Variants in PPARG observed in about 807,000 individuals in gnomAD.
PPARG encodes peroxisome proliferator-activated receptor gamma.
Under a neutral mutation model 39.2 loss-of-function variants are expected in PPARG, and 17 were observed. The observed-to-expected ratio is 0.43, with a 90% CI of 0.30 to 0.65. The LOEUF is 0.65. Among genes scored for constraint, PPARG ranks in the 30% least tolerant of loss-of-function variants. PPARG has a pLI of 0.13. For missense variants in PPARG, 406 were observed against 585.9 expected (o/e 0.69, Z 3.17); for synonymous variants, 223 against 215.7 (o/e 1.03, Z -0.30).
At chr3:12,407,626 T>C (rs919372485) in intron 6 of PPARG, among the ~76,000 whole-genome samples, 1 of 152,234 alleles carries the variant, frequency 6.6e-6, no homozygotes, top group Non-Finnish European at 1.5e-5. Context: ...CAGAGAGCTA[T>C]GCAATGACTT....
At chr3:12,407,181 A>C (rs2050701865) in intron 6 of PPARG, among the ~76,000 whole-genome samples, 1 of 151,896 alleles carries the variant, frequency 6.6e-6, no homozygotes, top group African/African-American at 2.4e-5. Flanking sequence ...TGTTGTTTTG[A>C]GACAGAGTCT....
chr3:12,404,404 T>C (rs750955736), intron 5 of PPARG, among the ~76,000 whole-genome samples: 17 of 152,204 alleles, frequency 1.1e-4, no homozygotes, highest in Admixed American at 2.0e-4. Context: ...CAGTTTCTTC[T>C]TGGGAAAATC....
intron 2 of PPARG, among the ~76,000 whole-genome samples, chr3:12,316,102 T>A (rs1208730108): frequency 6.6e-6 from 1 of 152,228 alleles, no homozygotes; most frequent in Non-Finnish European, 1.5e-5. Context: ...AGCATTAAGT[T>A]GTCTAGAAAA....
intron 2 of PPARG, among the ~76,000 whole-genome samples, chr3:12,359,166 C>A (rs1008518667): frequency 2.6e-5 from 4 of 152,160 alleles, no homozygotes; most frequent in Admixed American, 2.6e-4. Context: ...TCAAGAACCA[C>A]AATACTATGT....
At chr3:12,411,987 C>T (rs1038452782) in intron 6 of PPARG, among the ~76,000 whole-genome samples, 1 of 152,194 alleles carries the variant, frequency 6.6e-6, no homozygotes, top group Non-Finnish European at 1.5e-5. Context: ...ATGAGGCACA[C>T]ATTTTTCCAA....
chr3:12,420,972 C>A (rs1297375766), intron 7 of PPARG, among the ~76,000 whole-genome samples: 1 of 152,200 alleles, frequency 6.6e-6, no homozygotes, highest in Non-Finnish European at 1.5e-5. Flanking sequence ...ATTCTAGAAC[C>A]AAAGTTCAGG....
chr3:12,339,676 A>G (rs531542632), intron 2 of PPARG, among the ~76,000 whole-genome samples: 39 of 152,310 alleles, frequency 2.6e-4, no homozygotes. Flanking sequence ...TACTTGGGCA[A>G]GGCCTGGGCA....
chr3:12,294,506 T>G (rs1390587042), intron 1 of PPARG, among the ~76,000 whole-genome samples: 1 of 152,184 alleles, frequency 6.6e-6, no homozygotes, highest in Non-Finnish European at 1.5e-5. Flanking sequence ...CCTAATAGAT[T>G]GAAATGAGAG....
intron 2 of PPARG, chr3:12,328,095 A>C (rs1021408738): frequency 1.5e-5 from 21 of 1,424,518 alleles, no homozygotes; most frequent in Non-Finnish European, 2.0e-5. Context: ...ACATGTATGA[A>C]GGTGTAGGAA....
chr3:12,400,479 A>G (rs541444517), intron 5 of PPARG, among the ~76,000 whole-genome samples: 1 of 152,348 alleles, frequency 6.6e-6, no homozygotes, highest in Admixed American at 6.5e-5. Flanking sequence ...AGGAATGCCA[A>G]TATGCTTTCC....
chr3:12,423,688 G>A (rs2051338698), intron 7 of PPARG, among the ~76,000 whole-genome samples: 1 of 152,152 alleles, frequency 6.6e-6, no homozygotes, highest in African/African-American at 2.4e-5. Context: ...TAAAAATACT[G>A]TGAACAACAA....
chr3:12,378,248 C>G (rs534808788), intron 2 of PPARG, among the ~76,000 whole-genome samples: 2 of 152,168 alleles, frequency 1.3e-5, no homozygotes, highest in African/African-American at 4.8e-5. Context: ...AGCATATGAT[C>G]TAGCAATCCT....
chr3:12,418,617 A>G (rs924937999), intron 7 of PPARG, among the ~76,000 whole-genome samples: 10 of 152,224 alleles, frequency 6.6e-5, no homozygotes, highest in Admixed American at 2.0e-4. Context: ...CACTTCATGC[A>G]TATTTATTCA....
chr3:12,341,630 A>G (rs1015497166), intron 2 of PPARG, among the ~76,000 whole-genome samples: 5 of 152,278 alleles, frequency 3.3e-5, no homozygotes, highest in African/African-American at 9.6e-5. Flanking sequence ...CAACATGGTG[A>G]AACCCCATCT....
At chr3:12,304,016 G>A (rs1389401697) in intron 1 of PPARG, among the ~76,000 whole-genome samples, 1 of 152,236 alleles carries the variant, frequency 6.6e-6, no homozygotes, top group Non-Finnish European at 1.5e-5. Flanking sequence ...GAACTTATCT[G>A]TACAGTTAGT....
At chr3:12,303,979 C>A (rs1462600174) in intron 1 of PPARG, among the ~76,000 whole-genome samples, 1 of 152,226 alleles carries the variant, frequency 6.6e-6, no homozygotes, top group Non-Finnish European at 1.5e-5. Flanking sequence ...ATTACAGTTA[C>A]CTAAATTTAC....
intron 4 of PPARG, among the ~76,000 whole-genome samples, chr3:12,386,246 T>C (rs1024176681): frequency 6.6e-6 from 1 of 152,174 alleles, no homozygotes; most frequent in Non-Finnish European, 1.5e-5. Flanking sequence ...CTCGATAATA[T>C]CCTTACATCT....
chr3:12,332,086 C>T (rs973230917), intron 2 of PPARG, among the ~76,000 whole-genome samples: 32 of 152,116 alleles, frequency 2.1e-4, no homozygotes, highest in Admixed American at 5.9e-4. Flanking sequence ...TTTCCAATTC[C>T]TTTCCCAGAA....
intron 6 of PPARG, 151 bp downstream of exon 6, chr3:12,406,232 C>T (rs890073242): frequency 2.3e-5 from 19 of 808,588 alleles, no homozygotes; most frequent in Middle Eastern, 4.5e-4. Context: ...GAGTCTGAAA[C>T]GCAGGAAGTG....
Sources: gnomAD v4.1 joint callset for allele counts (sites outside exome capture counted in the v4.1 genomes callset) on GRCh38, gnomAD v4.1.1 for gene constraint, MANE v1.5 for transcripts, NCBI Gene and HGNC (gene_info 2026-07-23, HGNC 2026-07-21) for gene names.